Variants in ADGRB3 observed in about 807,000 individuals in gnomAD.
ADGRB3 encodes the protein adhesion G protein-coupled receptor B3.
Under a neutral mutation model 193.4 loss-of-function variants are expected in ADGRB3, and 37 were observed. That is an observed-to-expected ratio of 0.19 (90% CI 0.15 to 0.25). The LOEUF (loss-of-function observed/expected upper bound fraction) is 0.25, where lower values mean the gene tolerates loss of function less well. Among genes scored for constraint, ADGRB3 ranks in the 10% least tolerant of loss-of-function variants. The pLI, the probability that ADGRB3 is intolerant of heterozygous loss-of-function variation, is 1.00. For synonymous variants in ADGRB3, 690 were observed against 644.2 expected, an observed-to-expected ratio of 1.07 and a Z score of -1.08; for missense variants, 1,637 against 1,852.9, an observed-to-expected ratio of 0.88 and a Z score of 2.14.
intron 29 of ADGRB3, among the ~76,000 whole-genome samples, chr6:69,370,109 CAA>C (rs887840002): frequency 7.9e-5 from 12 of 152,248 alleles, no homozygotes; most frequent in African/African-American, 2.9e-4. Context: ...GTTTGAATCC[CAA>C]CTCATTTGCT....
chr6:69,127,781 G>A (rs866319286), intron 17 of ADGRB3, among the ~76,000 whole-genome samples: 1 of 152,162 alleles, frequency 6.6e-6, no homozygotes, highest in Non-Finnish European at 1.5e-5. Context: ...CAACTTGGGT[G>A]CAAGATAGCA....
intron 17 of ADGRB3, among the ~76,000 whole-genome samples, chr6:69,202,658 C>T (rs1561951152): frequency 6.6e-6 from 1 of 152,142 alleles, no homozygotes; most frequent in South Asian, 2.1e-4. Context: ...TAATCTCCCA[C>T]AGATAGTTGA....
chr6:68,925,389 T>C (rs1582319867), intron 3 of ADGRB3, among the ~76,000 whole-genome samples: 1 of 151,984 alleles, frequency 6.6e-6, no homozygotes, highest in East Asian at 1.9e-4. Flanking sequence ...TATTCCTGCC[T>C]AAATATGAGC....
chr6:69,156,990 A>G (rs1320554860), intron 17 of ADGRB3, among the ~76,000 whole-genome samples: 1 of 152,190 alleles, frequency 6.6e-6, no homozygotes, highest in East Asian at 1.9e-4. Context: ...AGAAGACACT[A>G]TGTTTCCCTA....
At chr6:68,998,477 A>G (rs976316853) in intron 11 of ADGRB3, among the ~76,000 whole-genome samples, 2 of 152,262 alleles carry the variant, frequency 1.3e-5, no homozygotes, top group African/African-American at 2.4e-5. Flanking sequence ...TCCCAAAAGT[A>G]TCACATTACT....
chr6:69,204,858 A>G (rs1175530701), intron 17 of ADGRB3, among the ~76,000 whole-genome samples: 2 of 152,064 alleles, frequency 1.3e-5, no homozygotes, highest in Admixed American at 6.6e-5. Flanking sequence ...TAACCCCAAT[A>G]TGAGTGGACA....
intron 3 of ADGRB3, among the ~76,000 whole-genome samples, chr6:68,690,315 G>T (rs183715248): frequency 6.6e-6 from 1 of 152,006 alleles, no homozygotes; most frequent in African/African-American, 2.4e-5. Context: ...ATATTACAAC[G>T]TACCTTTGTA....
intron 20 of ADGRB3, among the ~76,000 whole-genome samples, chr6:69,273,826 G>A (rs1354700560): frequency 6.6e-6 from 1 of 152,162 alleles, no homozygotes; most frequent in African/African-American, 2.4e-5. Context: ...TTTCCTCTAT[G>A]TTTCCGCCAT....
At chr6:69,154,901 C>T (rs1160709055) in intron 17 of ADGRB3, among the ~76,000 whole-genome samples, 1 of 152,134 alleles carries the variant, frequency 6.6e-6, no homozygotes. Context: ...TTACCAAGGC[C>T]CTTGCTACTT....
intron 3 of ADGRB3, among the ~76,000 whole-genome samples, chr6:68,912,086 T>C (rs1218996127): frequency 6.6e-6 from 1 of 152,008 alleles, no homozygotes. Flanking sequence ...GGTAAAAGAG[T>C]TCAGTTCTTT....
At chr6:68,913,363 A>C (rs1034482572) in intron 3 of ADGRB3, among the ~76,000 whole-genome samples, 17 of 152,158 alleles carry the variant, frequency 1.1e-4, no homozygotes, top group Admixed American at 1.1e-3. Flanking sequence ...GAGGAACGAT[A>C]AGACAGCAAC....
chr6:68,952,135 C>G (rs140251842), intron 6 of ADGRB3, among the ~76,000 whole-genome samples: 2 of 152,084 alleles, frequency 1.3e-5, no homozygotes, highest in Admixed American at 6.6e-5. Context: ...TTTCTACCCC[C>G]CCAAAGCCTC....
Position 69,389,081 on chromosome 6 carries a change from G to T in ADGRB3, c.*190G>T, listed in dbSNP as rs1392569099. Reference sequence around the variant, plus strand: ...TAGTGGAGAGATGACCAGGTGTACAGTTCTGACCATCCTGTGTTGTAAGTA... The same window carrying T: ...TAGTGGAGAGATGACCAGGTGTACATTTCTGACCATCCTGTGTTGTAAGTA... On this transcript the variant is annotated 3_prime_UTR_variant, in exon 32 of 32. Coordinates refer to ENST00000370598, the MANE Select transcript of ADGRB3 (RefSeq NM_001704.3). 3.9e-6 allele frequency: 2 copies of T among 517,140 alleles called. No individual in the cohort carries two copies. 32.0% of individuals were successfully genotyped at this position (517,140 alleles called of 1,614,324 possible).
intron 31 of ADGRB3, among the ~76,000 whole-genome samples, chr6:69,388,277 C>A (rs993935930): frequency 1.4e-4 from 21 of 152,040 alleles, no homozygotes; most frequent in African/African-American, 5.1e-4. Flanking sequence ...TTTTTATTAT[C>A]AAATAATATG....
chr6:69,053,304 C>T (rs892597653), intron 15 of ADGRB3, among the ~76,000 whole-genome samples: 3 of 152,174 alleles, frequency 2.0e-5, no homozygotes, highest in African/African-American at 7.2e-5. Context: ...AGGTGACCTG[C>T]CTAAGATTAT....
At position 69,312,208 on chromosome 6, in the gene ADGRB3, A is replaced by G. The variant is rs1209421738; in HGVS notation, c.2815-12664A>G. Among the ~76,000 whole-genome samples, 3 of 151,746 alleles carry G rather than the reference A, an allele frequency of 2.0e-5. No individual in the cohort carries two copies. In the East Asian group the frequency reaches 5.8e-4, roughly 30 times the overall value. The stretch of plus-strand genomic sequence containing the variant: ...ATGGAGAAGTGAGTGGAGTTTCTAT[A>G]TCATTATTAGATGCAATCAAATAGG... On this transcript the variant is annotated intron_variant, in intron 20 of 31. Coordinates refer to ENST00000370598, the MANE Select transcript of ADGRB3 (RefSeq NM_001704.3).
intron 8 of ADGRB3, among the ~76,000 whole-genome samples, chr6:68,966,553 TC>T: frequency 6.6e-6 from 1 of 152,172 alleles, no homozygotes; most frequent in East Asian, 1.9e-4. Flanking sequence ...GGACACACTC[TC>T]CCCTTCTTCA....
At chr6:68,704,733 G>T (rs1331009201) in intron 3 of ADGRB3, among the ~76,000 whole-genome samples, 1 of 152,192 alleles carries the variant, frequency 6.6e-6, no homozygotes, top group Non-Finnish European at 1.5e-5. Context: ...TGAAAACCTT[G>T]CTTTGTGGCA....
chr6:68,958,301 C>T (rs1768136188), intron 8 of ADGRB3, among the ~76,000 whole-genome samples: 1 of 152,022 alleles, frequency 6.6e-6, no homozygotes, highest in Non-Finnish European at 1.5e-5. Context: ...GAGGATGATA[C>T]CTATTCAGAT....
Sources: gnomAD v4.1 joint callset for allele counts (sites outside exome capture counted in the v4.1 genomes callset) on GRCh38, gnomAD v4.1.1 for gene constraint, MANE v1.5 for transcripts, NCBI Gene and HGNC (gene_info 2026-07-23, HGNC 2026-07-21) for gene names.